DGAT2: variants seen among roughly 807,000 people sequenced by gnomAD.
DGAT2 encodes the protein acyl-CoA retinol O-fatty-acyltransferase.
In DGAT2, 33 loss-of-function variants were observed where a neutral mutation model predicts 48.4. The observed-to-expected ratio is 0.68, with a 90% CI of 0.52 to 0.91. The LOEUF is 0.91. DGAT2 is among the 40% of genes least tolerant of loss of function. The probability of loss-of-function intolerance (pLI) is 0.00; values close to 1 mark genes in which losing one functional copy is unlikely to be tolerated. For missense variants in DGAT2, 446 were observed against 493.7 expected (o/e 0.90, Z 0.92); for synonymous variants, 191 against 194.1 (o/e 0.98, Z 0.13).
Position 75,790,701 on chromosome 11 carries a change from G to A in DGAT2, c.399G>A (p.Trp133Ter), listed in dbSNP as rs752457198. The A allele has an allele frequency of 6.2e-6, 10 of 1,614,180 alleles. No individual in the cohort carries two copies. In the Admixed American group the frequency reaches 1.2e-4, roughly 19 times the overall value. The change falls in exon 4 of 8, where the codon TGG (tryptophan) becomes TGA (stop). Residue 133 changes from tryptophan to a stop codon, truncating the protein, a stop_gained. Transcript: ENST00000228027. LOFTEE classifies it high-confidence loss of function. ...RSQWVRNWAV[W>*]RYFRDYFPIQ... ...AGTGGGTCCGAAACTGGGCTGTGTG[G>A]CGCTACTTTCGAGACTACTTTCCCA...
chr11:75,786,222 G>A (rs543493034), intron 2 of DGAT2, among the ~76,000 whole-genome samples: 11 of 152,270 alleles, frequency 7.2e-5, no homozygotes, highest in Middle Eastern at 3.4e-3. Context: ...CCCTAACATG[G>A]CTTGCATTTG....
chr11:75,771,988 G>T (rs1410503264), intron 1 of DGAT2, among the ~76,000 whole-genome samples: 2 of 152,190 alleles, frequency 1.3e-5, no homozygotes, highest in African/African-American at 4.8e-5. Context: ...TCTCCAGAAA[G>T]AAGGGACTTT....
In DGAT2 at chr11:75,796,068, TGCATGGCTGAA is replaced by T. The variant is rs1394882708; in HGVS notation, c.430-258_430-248del. 8.2e-6 allele frequency: 4 copies of T among 489,044 alleles called. No individual in the cohort carries two copies. The South Asian group carries it at 8.8e-5, about 11-fold the overall frequency. 30.3% of individuals were successfully genotyped at this position (489,044 alleles called of 1,614,324 possible). ...CAGAGTGCAAAGAAGAGCTGCTGTGTGCATGGCTGAAGACTGAGAGGAACAAGGGCAAACAT... is the reference window on the plus strand; with the variant it reads ...CAGAGTGCAAAGAAGAGCTGCTGTGTGACTGAGAGGAACAAGGGCAAACAT... On this transcript the variant is annotated intron_variant, in intron 4 of 7. Transcript: ENST00000228027.
intron 7 of DGAT2, 138 bp from the exon 8 acceptor site, chr11:75,800,216 A>G: frequency 8.9e-7 from 1 of 1,125,062 alleles, no homozygotes; most frequent in Non-Finnish European, 1.2e-6. Context: ...GGACAACCAG[A>G]GATGCAGCAC....
chr11:75,771,731 C>A (rs1262461060), intron 1 of DGAT2, among the ~76,000 whole-genome samples: 1 of 152,142 alleles, frequency 6.6e-6, no homozygotes, highest in East Asian at 1.9e-4. Flanking sequence ...GGCTTCCCCC[C>A]TCACCTACAT....
rs767500059 is a variant in DGAT2 at position 75,797,237 on chromosome 11, C to T, written c.714C>T (p.Val238=). Residue 238 remains valine, a synonymous_variant, in exon 6 of 8, where the codon GTC becomes GTT. Coordinates refer to ENST00000228027, the MANE Select transcript of DGAT2 (RefSeq NM_032564.5). ...GTGGCAATGCTATCATCATCGTGGTCGGGGGTGCGGCTGAGTCTCTGAGCT... is the reference window on the plus strand; with the variant it reads ...GTGGCAATGCTATCATCATCGTGGTTGGGGGTGCGGCTGAGTCTCTGAGCT... ...NGSGNAIIIV[V]GGAAESLSSM... is the part of the protein sequence containing the mutation. 14 of 1,581,720 alleles carry T rather than the reference C, an allele frequency of 8.9e-6. No individual in the cohort carries two copies. Among genetic ancestry groups the T allele is most frequent in the Middle Eastern group, 3.4e-4 (2 of 5,926 alleles).
At chr11:75,775,908 G>A (rs1474300068) in intron 1 of DGAT2, 1 of 152,312 alleles carries the variant, frequency 6.6e-6, no homozygotes, top group Non-Finnish European at 1.5e-5. Flanking sequence ...GCCATATCTT[G>A]GGTGGGCAGC....
At chr11:75,776,905 T>C (rs1378764476) in intron 1 of DGAT2, 3 of 152,280 alleles carry the variant, frequency 2.0e-5, no homozygotes, top group African/African-American at 7.2e-5. Flanking sequence ...AAGAGCCTGC[T>C]AGGGGTCAAT....
At chr11:75,796,921 GTT>G (rs1052990487) in intron 5 of DGAT2, 79 of 467,246 alleles carry the variant, frequency 1.7e-4, no homozygotes, top group Middle Eastern at 5.5e-4. Context: ...CCCTGGGAAT[GTT>G]TGCCAAATGC....
At chr11:75,772,087 G>T (rs567512683) in intron 1 of DGAT2, among the ~76,000 whole-genome samples, 1 of 152,296 alleles carries the variant, frequency 6.6e-6, no homozygotes, top group African/African-American at 2.4e-5. Flanking sequence ...TTGCAAGGCC[G>T]TGAAGGGCTG....
At chr11:75,770,168 T>C (rs1046885887) in intron 1 of DGAT2, among the ~76,000 whole-genome samples, 20 of 152,238 alleles carry the variant, frequency 1.3e-4, no homozygotes, top group African/African-American at 4.6e-4. Flanking sequence ...GATATAGTTA[T>C]GAATCTTGTT....
intron 1 of DGAT2, among the ~76,000 whole-genome samples, chr11:75,774,625 T>C (rs1784916263): frequency 6.6e-6 from 1 of 152,178 alleles, no homozygotes; most frequent in Non-Finnish European, 1.5e-5. Flanking sequence ...GATTCCATTC[T>C]TGTCCCTAAC....
chr11:75,790,552 G>A (rs781052506), intron 3 of DGAT2, 109 bp from the exon 4 acceptor site: 4 of 1,021,982 alleles, frequency 3.9e-6, no homozygotes, highest in Non-Finnish European at 6.2e-6. Flanking sequence ...AAGGGGGCAT[G>A]GTGCATGGGG....
At chr11:75,770,963 A>G (rs920613618) in intron 1 of DGAT2, among the ~76,000 whole-genome samples, 2 of 152,172 alleles carry the variant, frequency 1.3e-5, no homozygotes, top group Non-Finnish European at 2.9e-5. Context: ...GGGCATCTCC[A>G]TTAGACCTGC....
At chr11:75,793,759 C>T (rs1220703806) in intron 4 of DGAT2, 2 of 152,372 alleles carry the variant, frequency 1.3e-5, no homozygotes, top group East Asian at 3.9e-4. Context: ...GAGCAAGTTT[C>T]CAAGTTTCCC....
Position 75,768,829 on chromosome 11 carries a change from C to A in DGAT2, c.-163C>A. 1 of 937,934 alleles carries A rather than the reference C, an allele frequency of 1.1e-6. No homozygotes were observed. Among genetic ancestry groups the A allele is most frequent in the Non-Finnish European group, 1.4e-6 (1 of 694,842 alleles). 58.1% of individuals were successfully genotyped at this position (937,934 alleles called of 1,614,324 possible). A position where few individuals can be genotyped will look rare whatever the true frequency, so the allele number is the denominator to read the frequency against. ...CTAGGCTGTTTCTCTCGCGCCACCA[C>A]TGGCCGCCGGCCGCAGCTCCAGGTG... On this transcript the variant is annotated 5_prime_UTR_variant, in exon 1 of 8. It adds an upstream start codon to the 5' untranslated region. Transcript: ENST00000228027.
intron 4 of DGAT2, chr11:75,795,429 CAG>C (rs1012787723): frequency 2.0e-5 from 3 of 152,224 alleles, no homozygotes; most frequent in Non-Finnish European, 2.9e-5. Flanking sequence ...CCTTGTAACA[CAG>C]GGTAGGTGTC....
rs1270630342 is a variant in DGAT2, at chr11:75,768,889, C to T, written c.-103C>T. On this transcript the variant is annotated 5_prime_UTR_variant, in exon 1 of 8. Coordinates refer to ENST00000228027, the MANE Select transcript of DGAT2 (RefSeq NM_032564.5). ...CCCAGCCTCGACGCCGTCCCGGGAC[C>T]CCTGTGCTCTGCGCGAAGCCCTGGC... 3 of 1,313,816 alleles carry T rather than the reference C, an allele frequency of 2.3e-6. No homozygotes were observed. The highest frequency in any genetic ancestry group is 2.9e-6 in the Non-Finnish European group (3 of 1,028,766). The allele number at this position is 1,313,816 out of a possible 1,614,324, so 81.4% of individuals were successfully genotyped here.
At chr11:75,783,744 C>A (rs776401062) in intron 1 of DGAT2, among the ~76,000 whole-genome samples, 1 of 152,172 alleles carries the variant, frequency 6.6e-6, no homozygotes, top group Non-Finnish European at 1.5e-5. Context: ...TTCCCCAGTG[C>A]TGTCTCCTGC....
Sources: allele counts gnomAD v4.1 joint callset (sites outside exome capture counted in the v4.1 genomes callset), GRCh38; gene constraint gnomAD v4.1.1; transcripts MANE v1.5; gene names NCBI Gene and HGNC (gene_info 2026-07-23, HGNC 2026-07-21).